ESR2: variants seen among roughly 807,000 people sequenced by gnomAD.
ESR2 encodes estrogen receptor 2, also known as estrogen receptor beta.
ESR2 carries 36 observed loss-of-function variants against 49.6 expected under a neutral mutation model. The observed-to-expected ratio is 0.73, with a 90% CI of 0.56 to 0.96. The LOEUF (loss-of-function observed/expected upper bound fraction) is 0.96, where lower values mean the gene tolerates loss of function less well. ESR2 is among the 40% of genes least tolerant of loss of function. The pLI is 0.00. For synonymous variants in ESR2, 320 were observed against 266.1 expected, an observed-to-expected ratio of 1.20 and a Z score of -1.97; for missense variants, 714 against 693.0, an observed-to-expected ratio of 1.03 and a Z score of -0.34.
At chr14:64,337,611 C>T (rs943657704) in intron 1 of ESR2, 5 of 152,032 alleles carry the variant, frequency 3.3e-5, no homozygotes, top group African/African-American at 1.2e-4. Flanking sequence ...TGTAAATATG[C>T]TAAAAATCAT....
chr14:64,239,200 C>A (rs1011344480), intron 7 of ESR2, among the ~76,000 whole-genome samples: 1 of 152,170 alleles, frequency 6.6e-6, no homozygotes, highest in African/African-American at 2.4e-5. Flanking sequence ...CAAAAGGTGC[C>A]ATGGTGTGAG....
chr14:64,244,705 A>G (rs533575458), intron 7 of ESR2, among the ~76,000 whole-genome samples: 2 of 152,320 alleles, frequency 1.3e-5, no homozygotes, highest in African/African-American at 4.8e-5. Flanking sequence ...ACACTGAGCC[A>G]TGCTACTGGC....
intron 6 of ESR2, among the ~76,000 whole-genome samples, chr14:64,254,812 A>G (rs944164272): frequency 7.6e-6 from 1 of 132,060 alleles, no homozygotes; most frequent in Non-Finnish European, 1.6e-5. Context: ...ACAAATAAAC[A>G]CCAGTAGTCA....
intron 4 of ESR2, among the ~76,000 whole-genome samples, chr14:64,265,348 C>T (rs2076307602): frequency 6.6e-6 from 1 of 152,216 alleles, no homozygotes; most frequent in African/African-American, 2.4e-5. Flanking sequence ...GCATATTGCA[C>T]ATGTCCTGAC....
intron 6 of ESR2, among the ~76,000 whole-genome samples, chr14:64,254,427 T>C (rs901799736): frequency 3.3e-5 from 5 of 152,010 alleles, no homozygotes; most frequent in Admixed American, 1.3e-4. Context: ...AGTTCCAGAC[T>C]TCAGAAAGTT....
chr14:64,235,232 T>C, intron 7 of ESR2, 82 bp from the exon 8 acceptor site: 1 of 1,451,882 alleles, frequency 6.9e-7, no homozygotes, highest in Admixed American at 1.8e-5. Context: ...GTGCGCCTGC[T>C]CCGAGGTGAT....
intron 1 of ESR2, among the ~76,000 whole-genome samples, chr14:64,312,921 AT>A (rs2077201806): frequency 6.6e-6 from 1 of 152,188 alleles, no homozygotes; most frequent in South Asian, 2.1e-4. Context: ...AAAGAAAAAA[AT>A]AAATAAAAAT....
In ESR2 at chr14:64,262,127, T is replaced by TG. The variant is rs1049238310; in HGVS notation, c.653-1380_653-1379insC. Among the ~76,000 whole-genome samples the TG allele has an allele frequency of 2.3e-4, 35 of 150,586 alleles. No homozygotes were observed. In the East Asian group the frequency reaches 5.5e-3, roughly 24 times the overall value. ...TGGATTTACTTTTTTTTTTTTTTTT[T>TG]TAAGAGACAAGGTCTCTGTCACCCA... On this transcript the variant is annotated intron_variant, in intron 4 of 8. Transcript: ENST00000341099.
chr14:64,306,086 G>A (rs918099558), intron 1 of ESR2, among the ~76,000 whole-genome samples: 1 of 152,124 alleles, frequency 6.6e-6, no homozygotes, highest in Non-Finnish European at 1.5e-5. Flanking sequence ...GCGCATGCCT[G>A]TAATACCAGC....
Position 64,282,731 on chromosome 14 carries a change from G to T in ESR2, c.255C>A (p.His85Gln). Residue 85 changes from histidine (H) to glutamine (Q), a missense_variant, in exon 2 of 9, where the codon CAC (histidine) becomes CAA (glutamine). His to Gln is a conservative substitution (Grantham distance 24). Coordinates refer to ENST00000341099, the MANE Select transcript of ESR2 (RefSeq NM_001437.3). ...SPNVLWPTPGHLSPLVVHRQL... is the reference protein window; with the variant it reads ...SPNVLWPTPGQLSPLVVHRQL... Reference sequence around the variant, plus strand: ...GGCGATGGACCACTAAAGGAGAAAGGTGCCCAGGTGTTGGCCACAACACAT... The same window carrying T: ...GGCGATGGACCACTAAAGGAGAAAGTTGCCCAGGTGTTGGCCACAACACAT... 1.2e-6 allele frequency: 2 copies of T among 1,614,196 alleles called. No homozygotes were observed. The highest frequency in any genetic ancestry group is 1.7e-6 in the Non-Finnish European group (2 of 1,180,026).
chr14:64,314,877 CAAAAAAAAAAAA>C (rs1179436563), intron 1 of ESR2, among the ~76,000 whole-genome samples: 5 of 20,508 alleles, frequency 2.4e-4, no homozygotes, highest in African/African-American at 5.6e-4. Flanking sequence ...GACTCCGTCT[CAAAAAAAAAAAA>C]AAAAAAAAAA....
intron 1 of ESR2, among the ~76,000 whole-genome samples, chr14:64,334,906 C>T (rs981062997): frequency 4.6e-5 from 7 of 152,174 alleles, no homozygotes; most frequent in African/African-American, 1.7e-4. Flanking sequence ...CCTCGGCCAC[C>T]CAAAGTGCTG....
At chr14:64,236,896 A>ACC (rs978034905) in intron 7 of ESR2, among the ~76,000 whole-genome samples, 1 of 146,980 alleles carries the variant, frequency 6.8e-6, no homozygotes, top group African/African-American at 2.5e-5. Context: ...CCCCACACAC[A>ACC]CCCCACAGCC....
chr14:64,333,872 C>T (rs2077495243), intron 1 of ESR2, among the ~76,000 whole-genome samples: 1 of 151,928 alleles, frequency 6.6e-6, no homozygotes, highest in Admixed American at 6.6e-5. Context: ...GATTCTTTAC[C>T]TAAATAGAAG....
At chr14:64,236,318 GCTCA>G (rs1000635815) in intron 7 of ESR2, among the ~76,000 whole-genome samples, 3 of 152,042 alleles carry the variant, frequency 2.0e-5, no homozygotes, top group African/African-American at 7.2e-5. Flanking sequence ...CAATCCCTGT[GCTCA>G]CTTTGTTCTC....
intron 1 of ESR2, among the ~76,000 whole-genome samples, chr14:64,291,091 T>C (rs2076863769): frequency 6.6e-6 from 1 of 152,124 alleles, no homozygotes; most frequent in Admixed American, 6.5e-5. Context: ...CAAATTCAAA[T>C]ATTCATTTGG....
intron 3 of ESR2, among the ~76,000 whole-genome samples, chr14:64,271,032 C>G (rs994614004): frequency 6.6e-6 from 1 of 152,196 alleles, no homozygotes; most frequent in Non-Finnish European, 1.5e-5. Context: ...ATATTATTAA[C>G]TATACTTCAT....
rs75846850 is a variant in ESR2, at chr14:64,301,901, C to G, written c.-90-18826G>C. On this transcript the variant is annotated intron_variant, in intron 1 of 8. Coordinates refer to the ESR2 transcript ENST00000358599. ...GAAGGACTTCCCAGGTGTACAGAAG[C>G]CTTGGCCTAAGAGATGGCAAGGAGC... Among the ~76,000 whole-genome samples, 208 of 152,148 alleles carry G rather than the reference C, an allele frequency of 1.4e-3. 1 individual carries two copies. Among genetic ancestry groups the G allele is most frequent in the African/African-American group, 4.6e-3 (193 of 41,508 alleles).
chr14:64,233,179 G>T lies in ESR2; in HGVS notation c.1551C>A (p.Asp517Glu). ...ITGSECSPAE[D>E]SKSKEGSQNP... ...TCTGGGAGCCCTCTTTGCTTTTACTGTCCTCTGCCGGGCTGCACTCGGACC... is the reference window on the plus strand; with the variant it reads ...TCTGGGAGCCCTCTTTGCTTTTACTTTCCTCTGCCGGGCTGCACTCGGACC... The change falls in exon 9 of 9, where the codon GAC (aspartate) becomes GAA (glutamate). Residue 517 changes from aspartate (D) to glutamate (E), a missense_variant. By Grantham distance (45) the Asp-to-Glu change is conservative. Coordinates refer to ENST00000341099, the MANE Select transcript of ESR2 (RefSeq NM_001437.3). The T allele has an allele frequency of 1.2e-6, 2 of 1,614,078 alleles. No individual in the cohort carries two copies. Among genetic ancestry groups the T allele is most frequent in the Non-Finnish European group, 1.7e-6 (2 of 1,180,002 alleles).
Sources: gnomAD v4.1 joint callset for allele counts (sites outside exome capture counted in the v4.1 genomes callset) on GRCh38, gnomAD v4.1.1 for gene constraint, MANE v1.5 for transcripts, NCBI Gene and HGNC (gene_info 2026-07-23, HGNC 2026-07-21) for gene names.